The following FLNC variants were observed in gnomAD, a reference collection of about 807,000 sequenced individuals.
FLNC encodes filamin-C.
FLNC carries 91 observed loss-of-function variants against 254.3 expected under a neutral mutation model. That is an observed-to-expected ratio of 0.36 (90% confidence interval 0.30 to 0.43). FLNC has a LOEUF of 0.43. Ranked by LOEUF, FLNC falls within the 20% of genes least tolerant of loss-of-function variation. FLNC has a pLI of 1.00. For missense variants in FLNC, 2,853 were observed against 3,802.6 expected, an observed-to-expected ratio of 0.75 and a Z score of 6.57; for synonymous variants, 1,430 against 1,577.2, an observed-to-expected ratio of 0.91 and a Z score of 2.21.
In FLNC at chr7:128,848,670, A is replaced by G; in HGVS notation, c.4690A>G (p.Ile1564Val). The G allele has an allele frequency of 1.2e-6, 2 of 1,613,478 alleles. No homozygotes were observed. Among genetic ancestry groups the G allele is most frequent in the Non-Finnish European group, 8.5e-7 (1 of 1,179,994 alleles). ...TGCCAGCCTGCCTGTGGAGTTCACC[A>G]TCGACGCACGGGACGCGGGCGAGGG... ...IPASLPVEFTIDARDAGEGLL... is the reference protein window; with the variant it reads ...IPASLPVEFTVDARDAGEGLL... The change falls in exon 27 of 48, where the codon ATC becomes GTC. Residue 1564 changes from isoleucine to valine, a missense_variant. Physicochemically the swap from Ile to Val is conservative, Grantham distance 29. Coordinates refer to ENST00000325888, the MANE Select transcript of FLNC (RefSeq NM_001458.5).
Position 128,854,154 on chromosome 7 carries a change from T to C in FLNC, c.6665T>C (p.Phe2222Ser), listed in dbSNP as rs1554401281. 3 of 1,611,686 alleles carry C rather than the reference T, an allele frequency of 1.9e-6. No individual in the cohort carries two copies. The highest frequency in any genetic ancestry group is 2.5e-6 in the Non-Finnish European group (3 of 1,179,260). The change falls in exon 40 of 48, where the codon TTT (phenylalanine) becomes TCT (serine). Residue 2222 changes from phenylalanine to serine, a missense_variant. Physicochemically the swap from Phe to Ser is radical, Grantham distance 155. Transcript: ENST00000325888. Reference sequence around the variant, plus strand: ...GGCGGGGACCCCTTCCCTGCTGTGTTTGGGGACTTCCTGGGCCGGGAGCGC... The same window carrying C: ...GGCGGGGACCCCTTCCCTGCTGTGTCTGGGGACTTCCTGGGCCGGGAGCGC... Reference protein sequence around the residue: ...QVGGDPFPAVFGDFLGRERLG... With the variant: ...QVGGDPFPAVSGDFLGRERLG...
Position 128,843,833 on chromosome 7 carries a change from C to T in FLNC, c.2849C>T (p.Pro950Leu), listed in dbSNP as rs1808442179. 1 of 1,613,800 alleles carries T rather than the reference C, an allele frequency of 6.2e-7. No homozygotes were observed. Among genetic ancestry groups the T allele is most frequent in the Non-Finnish European group, 8.5e-7 (1 of 1,180,004 alleles). Residue 950 changes from proline (P) to leucine (L), a missense_variant, in exon 19 of 48, where the codon CCT (proline) becomes CTT (leucine). Around this residue, in one of 10 missense-constraint regions of FLNC, gnomAD observed 1,573 missense variants for 1,883.5 expected, o/e 0.84. Coordinates refer to ENST00000325888, the MANE Select transcript of FLNC (RefSeq NM_001458.5). ...GTGACAGTGACTTATGGCGGGGACC[C>T]TGTCCCCAAGAGCCCCTTTGTGGTG... is the stretch of plus-strand genomic sequence containing the variant. ...MAVTVTYGGD[P>L]VPKSPFVVNV...
Position 128,858,064 on chromosome 7 carries a change from A to C in FLNC, c.7837A>C (p.Thr2613Pro). 6.2e-7 allele frequency: 1 copy of C among 1,610,916 alleles called. No homozygotes were observed. The highest frequency in any genetic ancestry group is 8.5e-7 in the Non-Finnish European group (1 of 1,178,260). Reference protein sequence around the residue: ...LHETSTVLVETVTKSSSSRGS... With the variant: ...LHETSTVLVEPVTKSSSSRGS... ...CGAAACATCCACGGTTCTGGTGGAGACTGTGACCAAGTCCTCCTCAAGCCG... is the reference window on the plus strand; with the variant it reads ...CGAAACATCCACGGTTCTGGTGGAGCCTGTGACCAAGTCCTCCTCAAGCCG... The change falls in exon 47 of 48, where the codon ACT (threonine) becomes CCT (proline). Residue 2613 changes from threonine to proline, a missense_variant. By Grantham distance (38) the Thr-to-Pro change is conservative. Around this residue, in one of 10 missense-constraint regions of FLNC, gnomAD observed 197 missense variants for 351.5 expected, o/e 0.56. Transcript: ENST00000325888. The surrounding 1 kb of genome is among the most constrained non-coding windows in gnomAD (Gnocchi z 6.7).
rs1808429571 is a variant in FLNC at position 128,843,544 on chromosome 7, C to T, written c.2778C>T (p.Tyr926=). The T allele has an allele frequency of 6.2e-7, 1 of 1,613,912 alleles. No individual in the cohort carries two copies. Among genetic ancestry groups the T allele is most frequent in the African/African-American group, 1.3e-5 (1 of 75,040 alleles). Reference sequence around the variant, plus strand: ...TTGAGATCATAGACAACCATGACTACTCCTACACTGTCAAGTACACCGCTG... The same window carrying T: ...TTGAGATCATAGACAACCATGACTATTCCTACACTGTCAAGTACACCGCTG... ...RDFEIIDNHD[Y]SYTVKYTAVQ... The change falls in exon 18 of 48, where the codon TAC becomes TAT. Residue 926 remains tyrosine (Y), a synonymous_variant. Transcript: ENST00000325888.
Position 128,846,388 on chromosome 7 carries a change from C to T in FLNC, c.4052C>T (p.Thr1351Ile), listed in dbSNP as rs1585161671. 6.2e-7 allele frequency: 1 copy of T among 1,611,686 alleles called. No individual in the cohort carries two copies. The highest frequency in any genetic ancestry group is 8.5e-7 in the Non-Finnish European group (1 of 1,180,008). The change falls in exon 23 of 48, where the codon ACC becomes ATC. Residue 1351 changes from threonine (T) to isoleucine (I), a missense_variant. Thr to Ile is a moderately conservative substitution (Grantham distance 89). Transcript: ENST00000325888. Reference sequence around the variant, plus strand: ...GGCGTGACCGAGGGCTGTGATCCCACCCGCGTCCGAGCCTTCGGGCCAGGC... The same window carrying T: ...GGCGTGACCGAGGGCTGTGATCCCATCCGCGTCCGAGCCTTCGGGCCAGGC... ...RVGVTEGCDPTRVRAFGPGLE... is the reference protein window; with the variant it reads ...RVGVTEGCDPIRVRAFGPGLE...
intron 35 of FLNC, 73 bp downstream of exon 35, chr7:128,851,701 C>T: frequency 6.6e-7 from 1 of 1,511,940 alleles, no homozygotes; most frequent in Non-Finnish European, 9.2e-7. Context: ...TGTGCAAGCC[C>T]AGCCCGTTCA....
Position 128,853,957 on chromosome 7 carries a change from C to T in FLNC, c.6485-17C>T. The T allele has an allele frequency of 6.2e-7, 1 of 1,613,332 alleles. No homozygotes were observed. The highest frequency in any genetic ancestry group is 8.5e-7 in the Non-Finnish European group (1 of 1,180,036). On this transcript the variant is annotated splice_polypyrimidine_tract_variant and intron_variant, in intron 39 of 47. Coordinates refer to ENST00000325888, the MANE Select transcript of FLNC (RefSeq NM_001458.5). ...CCCTCGCTTCCCTCCCTCACCCTGG[C>T]TCCCTTGACCACACAGGAAACTGGT... is the stretch of plus-strand genomic sequence containing the variant.
In FLNC at chr7:128,845,082, A is replaced by G. The variant is rs768333638; in HGVS notation, c.3617A>G (p.Asn1206Ser). 1.9e-6 allele frequency: 3 copies of G among 1,613,786 alleles called. No homozygotes were observed. The South Asian group carries it at 3.3e-5, about 18-fold the overall frequency. ...AGVKAEVLIH[N>S]NADGTYHITY... ...GTCAAGGCCGAGGTGCTGATCCACAACAACGCGGATGGCACCTACCACATC... is the reference window on the plus strand; with the variant it reads ...GTCAAGGCCGAGGTGCTGATCCACAGCAACGCGGATGGCACCTACCACATC... The change falls in exon 21 of 48, where the codon AAC becomes AGC. Residue 1206 changes from asparagine (N) to serine (S), a missense_variant. Coordinates refer to ENST00000325888, the MANE Select transcript of FLNC (RefSeq NM_001458.5).
Position 128,856,365 on chromosome 7 carries a change from TC to T in FLNC, c.7252-150del, listed in dbSNP as rs1229616730. ...CATACCGGACCCTGGCTCCTCCTGC[TC>T]CCAGGCTGGGCTGGCAGGCAGGGGC... On this transcript the variant is annotated intron_variant, in intron 43 of 47. Coordinates refer to ENST00000325888, the MANE Select transcript of FLNC (RefSeq NM_001458.5). The surrounding 1 kb of genome is among the most constrained non-coding windows in gnomAD (Gnocchi z 5.9). Among the ~76,000 whole-genome samples the T allele has an allele frequency of 1.3e-5, 2 of 152,160 alleles. No homozygotes were observed. The highest frequency in any genetic ancestry group is 2.9e-5 in the Non-Finnish European group (2 of 68,028).
chr7:128,847,583 T>G (rs550230988), intron 24 of FLNC, 114 bp from the exon 25 acceptor site: 1 of 1,205,150 alleles, frequency 8.3e-7, no homozygotes. Flanking sequence ...CATGTTGGTC[T>G]GGCTTCCCTG....
intron 31 of FLNC, 137 bp downstream of exon 31, chr7:128,850,211 G>C: frequency 1.1e-6 from 1 of 936,466 alleles, no homozygotes; most frequent in South Asian, 1.4e-5. Context: ...CTGGGCAGAT[G>C]GAACCCCACT....
At position 128,847,976 on chromosome 7, in the gene FLNC, T is replaced by C. The variant is rs377258966; in HGVS notation, c.4488T>C (p.Asn1496=). The C allele has an allele frequency of 1.1e-4, 171 of 1,612,624 alleles. 2 individuals carry two copies. The Middle Eastern group carries it at 3.8e-3, about 36-fold the overall frequency. Residue 1496 remains asparagine, a synonymous_variant, in exon 26 of 48, where the codon AAT becomes AAC. Coordinates refer to ENST00000325888, the MANE Select transcript of FLNC (RefSeq NM_001458.5). ...CCGAGCCTGTGGAGGTGCGGGACAA[T>C]GGAGATGGCACCCACACTGTCCACT... The part of the protein sequence containing the change: ...GVAEPVEVRD[N]GDGTHTVHYT...
intron 8 of FLNC, among the ~76,000 whole-genome samples, 157 bp from the exon 9 acceptor site, chr7:128,839,866 C>T (rs1284827788): frequency 6.6e-6 from 1 of 152,250 alleles, no homozygotes; most frequent in Non-Finnish European, 1.5e-5. Context: ...TCCAGCCCGG[C>T]AGCCCCGGTT....
rs1808346476 is a variant in FLNC at position 128,841,818 on chromosome 7, C to T, written c.2121+251C>T. 6.6e-6 allele frequency among the ~76,000 whole-genome samples: 1 copy of T among 152,214 alleles called. No individual in the cohort carries two copies. The highest frequency in any genetic ancestry group is 2.4e-5 in the African/African-American group (1 of 41,466). On this transcript the variant is annotated intron_variant, in intron 13 of 47. Transcript: ENST00000325888. This position sits in a 1 kb window ranked among gnomAD's most constrained non-coding sequence, Gnocchi z 4.3. ...CTAATTTGTAATTGAAAGATTGTTT[C>T]ATTGAATAAGACACTGGTTTCCCAA... is the stretch of plus-strand genomic sequence containing the variant.
intron 21 of FLNC, 57 bp from the exon 22 acceptor site, chr7:128,845,933 A>AAAGGAGGGGGAGAG: frequency 6.7e-7 from 1 of 1,488,132 alleles, no homozygotes; most frequent in African/African-American, 1.4e-5. Context: ...GAGGAGAGGG[A>AAAGGAGGGGGAGAG]GCATCTGTGT....
At position 128,835,721 on chromosome 7, in the gene FLNC, T is replaced by A; in HGVS notation, c.601+147T>A. ...CCTGCAGGGTTTGTCCTCCTCCAGC[T>A]GTGGCTCTCCGCTGGCTGGTGGCAG... is the stretch of plus-strand genomic sequence containing the variant. On this transcript the variant is annotated intron_variant, in intron 2 of 47. Coordinates refer to ENST00000325888, the MANE Select transcript of FLNC (RefSeq NM_001458.5). This position sits in a 1 kb window ranked among gnomAD's most constrained non-coding sequence, Gnocchi z 5.3. 1 of 875,610 alleles carries A rather than the reference T, an allele frequency of 1.1e-6. No individual in the cohort carries two copies. The highest frequency in any genetic ancestry group is 1.5e-5 in the South Asian group (1 of 64,984). The allele number at this position is 875,610 out of a possible 1,614,324, so 54.2% of individuals were successfully genotyped here. A position where few individuals can be genotyped will look rare whatever the true frequency, so the allele number is the denominator to read the frequency against.
In FLNC at chr7:128,841,387, C is replaced by T. The variant is rs756676971; in HGVS notation, c.2007+24C>T. 2 of 1,613,678 alleles carry T rather than the reference C, an allele frequency of 1.2e-6. No homozygotes were observed. Among genetic ancestry groups the T allele is most frequent in the Non-Finnish European group, 1.7e-6 (2 of 1,179,632 alleles). On this transcript the variant is annotated intron_variant, in intron 12 of 47. Coordinates refer to ENST00000325888, the MANE Select transcript of FLNC (RefSeq NM_001458.5). This position sits in a 1 kb window ranked among gnomAD's most constrained non-coding sequence, Gnocchi z 4.3. ...AGGTGTGGTCCCAGCTCACACACAC[C>T]TGCCCCGGGGGTGGGGCAAGCTGGT...
intron 8 of FLNC, among the ~76,000 whole-genome samples, chr7:128,839,520 G>A (rs1185487557): frequency 6.6e-6 from 1 of 152,228 alleles, no homozygotes; most frequent in Non-Finnish European, 1.5e-5. Flanking sequence ...CTTTGCCTGT[G>A]TTCCATAGCA....
rs1421409384 is a variant in FLNC at position 128,852,931 on chromosome 7, T to C, written c.6108T>C (p.Ser2036=). The C allele has an allele frequency of 2.5e-6, 4 of 1,613,340 alleles. No individual in the cohort carries two copies. Among genetic ancestry groups the C allele is most frequent in the Admixed American group, 1.7e-5 (1 of 59,998 alleles). ...NSPFKILVGP[S]EIGDASKVRV... ...CCTTCAAGATCCTGGTGGGGCCATC[T>C]GAGATCGGGGACGCCAGCAAGGTGC... The change falls in exon 37 of 48, where the codon TCT becomes TCC. Residue 2036 remains serine, a synonymous_variant. Coordinates refer to ENST00000325888, the MANE Select transcript of FLNC (RefSeq NM_001458.5).
Sources: gnomAD v4.1 joint callset for allele counts (sites outside exome capture counted in the v4.1 genomes callset) on GRCh38, gnomAD v4.1.1 for gene constraint, gnomAD v4.1.1 regional missense constraint, Gnocchi (gnomAD v3.1) non-coding constraint, MANE v1.5 for transcripts, NCBI Gene and HGNC (gene_info 2026-07-23, HGNC 2026-07-21) for gene names.